Variants in ATAD2 observed in about 807,000 individuals in gnomAD.
The protein encoded by ATAD2 is ATPase family AAA domain-containing protein 2.
Under a neutral mutation model 168.9 loss-of-function variants are expected in ATAD2, and 62 were observed. The ratio of observed to expected loss-of-function variants is 0.37; its 90% CI spans 0.30 to 0.45. The LOEUF (loss-of-function observed/expected upper bound fraction) is 0.45. ATAD2 is among the 20% of genes least tolerant of loss of function. The pLI is 1.00. For missense variants in ATAD2, 1,419 were observed against 1,667.8 expected, an observed-to-expected ratio of 0.85 and a Z score of 2.60; for synonymous variants, 613 against 571.6, an observed-to-expected ratio of 1.07 and a Z score of -1.03.
chr8:123,344,747 T>C (rs1828181164), intron 19 of ATAD2, 137 bp downstream of exon 19: 1 of 916,576 alleles, frequency 1.1e-6, no homozygotes, highest in Non-Finnish European at 1.7e-6. Context: ...ACCAAATAGT[T>C]ACCAATGGTA....
chr8:123,359,144 A>G, intron 11 of ATAD2, 77 bp downstream of exon 11: 1 of 1,024,330 alleles, frequency 9.8e-7, no homozygotes, highest in South Asian at 1.7e-5. Context: ...AAATGGGTTA[A>G]TAAGCAAGGT....
chr8:123,403,148 GGT>G (rs1813028285), intron 1 of ATAD2, among the ~76,000 whole-genome samples: 1 of 152,296 alleles, frequency 6.6e-6, no homozygotes, highest in South Asian at 2.1e-4. Flanking sequence ...GGAGTGCAGT[GGT>G]GGGATTTTAG....
chr8:123,396,422 T>A lies in ATAD2; in HGVS notation c.-65A>T. On this transcript the variant is annotated 5_prime_UTR_variant, in exon 1 of 28. Transcript: ENST00000287394. Reference sequence around the variant, plus strand: ...AGATCCAGCTCCAGGCGCTCGCAGCTCTGGCTCTTCCGCGCTCCGAATTCT... The same window carrying A: ...AGATCCAGCTCCAGGCGCTCGCAGCACTGGCTCTTCCGCGCTCCGAATTCT... The A allele has an allele frequency of 7.0e-7, 1 of 1,424,974 alleles. No homozygotes were observed. Among genetic ancestry groups the A allele is most frequent in the Non-Finnish European group, 9.2e-7 (1 of 1,087,494 alleles). 88.3% of individuals were successfully genotyped at this position (1,424,974 alleles called of 1,614,324 possible).
chr8:123,327,705 C>T (rs1181144021), intron 25 of ATAD2, among the ~76,000 whole-genome samples: 1 of 152,076 alleles, frequency 6.6e-6, no homozygotes, highest in Non-Finnish European at 1.5e-5. Flanking sequence ...GGGAGCAGAT[C>T]AGTAGAATAA....
At chr8:123,333,407 CTCAA>C (rs1563834848) in intron 24 of ATAD2, among the ~76,000 whole-genome samples, 1 of 33,142 alleles carries the variant, frequency 3.0e-5, no homozygotes, top group Non-Finnish European at 6.2e-5. Flanking sequence ...GAGACTCCGT[CTCAA>C]AAAAAAAAAA....
chr8:123,335,216 T>A (rs973193427), intron 22 of ATAD2, among the ~76,000 whole-genome samples: 1 of 152,182 alleles, frequency 6.6e-6, no homozygotes, highest in Non-Finnish European at 1.5e-5. Flanking sequence ...AGCAACAGCA[T>A]GATTGCAATG....
Position 123,356,465 on chromosome 8 carries a change from G to A in ATAD2, c.1570C>T (p.Arg524Cys), listed in dbSNP as rs778430144. The A allele has an allele frequency of 3.7e-6, 6 of 1,611,370 alleles. No individual in the cohort carries two copies. The highest frequency in any genetic ancestry group is 5.1e-6 in the Non-Finnish European group (6 of 1,178,436). ...RLLFDQAYQM[R>C]PSIIFFDEID... The stretch of plus-strand genomic sequence containing the variant: ...TCGTCAAAAAAAATAATTGATGGGC[G>A]CATCTGATAGGCCTAGAAAGTAGGT... Residue 524 changes from arginine to cysteine, a missense_variant, in exon 13 of 28, where the codon CGC becomes TGC. Arg to Cys is a radical substitution (Grantham distance 180). Around this residue, in one of 5 missense-constraint regions of ATAD2, gnomAD observed 545 missense variants for 724.9 expected, o/e 0.75. Transcript: ENST00000287394.
At position 123,402,184 on chromosome 8, in the gene ATAD2, G is replaced by A. The variant is rs1813012133; in HGVS notation, c.-2281-1009C>T. ...TCGGGCATAGCCTCCCTCCATCACT[G>A]AGTGGTCCACAGATTTGCACTACGG... On this transcript the variant is annotated intron_variant, in intron 1 of 28. Coordinates refer to the ATAD2 transcript ENST00000521903. This position sits in a 1 kb window ranked among gnomAD's most constrained non-coding sequence, Gnocchi z 4.8. The A allele has an allele frequency of 4.5e-6, 3 of 662,734 alleles. No individual in the cohort carries two copies. Among genetic ancestry groups the A allele is most frequent in the East Asian group, 2.7e-5 (1 of 36,638 alleles). 41.1% of individuals were successfully genotyped at this position (662,734 alleles called of 1,614,324 possible).
At position 123,396,384 on chromosome 8, in the gene ATAD2, C is replaced by CGCGACCGGAGAGAGATCCAGCTCCAG. The variant is rs1315301897; in HGVS notation, c.-53_-28dup. 1.3e-6 allele frequency: 2 copies of CGCGACCGGAGAGAGATCCAGCTCCAG among 1,542,878 alleles called. No individual in the cohort carries two copies. The highest frequency in any genetic ancestry group is 1.7e-6 in the Non-Finnish European group (2 of 1,145,734). The stretch of plus-strand genomic sequence containing the variant: ...TTCTCTCCCTACTGGCCTCGGCGTG[C>CGCGACCGGAGAGAGATCCAGCTCCAG]GCGACCGGAGAGAGATCCAGCTCCA... On this transcript the variant is annotated 5_prime_UTR_variant, in exon 1 of 28. Coordinates refer to ENST00000287394, the MANE Select transcript of ATAD2 (RefSeq NM_014109.4).
At chr8:123,340,442 A>T (rs558052417) in intron 19 of ATAD2, among the ~76,000 whole-genome samples, 29 of 152,346 alleles carry the variant, frequency 1.9e-4, no homozygotes, top group Non-Finnish European at 2.9e-5. Flanking sequence ...TTAGTATATG[A>T]TGTGGCAATT....
At chr8:123,393,893 G>A (rs1359371499) in intron 1 of ATAD2, among the ~76,000 whole-genome samples, 1 of 152,030 alleles carries the variant, frequency 6.6e-6, no homozygotes, top group African/African-American at 2.4e-5. Flanking sequence ...CTCCAGCCTG[G>A]GTGACAGAGC....
intron 1 of ATAD2, among the ~76,000 whole-genome samples, chr8:123,386,741 T>C (rs1486253321): frequency 6.6e-6 from 1 of 152,064 alleles, no homozygotes; most frequent in Non-Finnish European, 1.5e-5. Context: ...TTTTGTTTCC[T>C]TACAAAACAA....
chr8:123,342,818 G>A (rs1320302137), intron 19 of ATAD2, among the ~76,000 whole-genome samples: 1 of 152,024 alleles, frequency 6.6e-6, no homozygotes, highest in Non-Finnish European at 1.5e-5. Flanking sequence ...CACTTACTCT[G>A]CTCTATCATC....
Position 123,331,759 on chromosome 8 carries a change from A to T in ATAD2, c.3478+2119T>A, listed in dbSNP as rs75413168. 0.017 allele frequency among the ~76,000 whole-genome samples: 2,641 copies of T among 152,294 alleles called. 146 individuals carry two copies. In the East Asian group the frequency reaches 0.21, roughly 12 times the overall value. ...TACTCAAGATTTTTTGTACTATACTAAACACACACAAAAAATACTTGAGAA... is the reference window on the plus strand; with the variant it reads ...TACTCAAGATTTTTTGTACTATACTTAACACACACAAAAAATACTTGAGAA... On this transcript the variant is annotated intron_variant, in intron 24 of 27. Coordinates refer to ENST00000287394, the MANE Select transcript of ATAD2 (RefSeq NM_014109.4).
At chr8:123,354,418 A>G (rs977399110) in intron 13 of ATAD2, among the ~76,000 whole-genome samples, 1 of 152,114 alleles carries the variant, frequency 6.6e-6, no homozygotes, top group Non-Finnish European at 1.5e-5. Flanking sequence ...AAATGTAGCT[A>G]TATTTGGCCA....
At chr8:123,352,706 T>C (rs1172625755) in intron 13 of ATAD2, 2 of 148,826 alleles carry the variant, frequency 1.3e-5, no homozygotes, top group African/African-American at 5.0e-5. Context: ...ACAAATAAGA[T>C]GTTTTCTTTT....
In ATAD2 at chr8:123,334,079, G is replaced by C. The variant is rs540386688; in HGVS notation, c.3335-58C>G. ...TTTCCAGATTTCAAAATTACATGAAGGATTAACTAAAAGTACAAAATACAT... is the reference window on the plus strand; with the variant it reads ...TTTCCAGATTTCAAAATTACATGAACGATTAACTAAAAGTACAAAATACAT... On this transcript the variant is annotated intron_variant, in intron 23 of 27. Transcript: ENST00000287394. 98 of 1,578,240 alleles carry C rather than the reference G, an allele frequency of 6.2e-5. 1 individual carries two copies. The South Asian group carries it at 1.1e-3, about 18-fold the overall frequency.
intron 21 of ATAD2, 100 bp from the exon 22 acceptor site, chr8:123,336,632 C>T (rs1827920526): frequency 5.8e-6 from 5 of 858,500 alleles, no homozygotes; most frequent in Admixed American, 3.1e-5. Flanking sequence ...AGAATAAATA[C>T]GTAAGAGATT....
chr8:123,389,583 T>C (rs1433110638), intron 1 of ATAD2, among the ~76,000 whole-genome samples: 1 of 151,430 alleles, frequency 6.6e-6, no homozygotes, highest in Non-Finnish European at 1.5e-5. Context: ...GAGCTTGCAG[T>C]GAGCCCAGAT....
Sources: gnomAD v4.1 joint callset for allele counts (sites outside exome capture counted in the v4.1 genomes callset) on GRCh38, gnomAD v4.1.1 for gene constraint, gnomAD v4.1.1 regional missense constraint, Gnocchi (gnomAD v3.1) non-coding constraint, MANE v1.5 for transcripts, NCBI Gene and HGNC (gene_info 2026-07-23, HGNC 2026-07-21) for gene names.